Variants in MYB observed in about 807,000 individuals in gnomAD.
MYB encodes MYB proto-oncogene, transcription factor.
Under a neutral mutation model 92.9 loss-of-function variants are expected in MYB, and 28 were observed. The ratio of observed to expected loss-of-function variants is 0.30; its 90% CI spans 0.22 to 0.41. The LOEUF is 0.41. Ranked by LOEUF, MYB falls within the 10% of genes least tolerant of loss-of-function variation. MYB has a pLI of 1.00. For missense variants in MYB, 679 were observed against 929.3 expected, an observed-to-expected ratio of 0.73 and a Z score of 3.50; for synonymous variants, 295 against 329.1, an observed-to-expected ratio of 0.90 and a Z score of 1.12.
intron 15 of MYB, among the ~76,000 whole-genome samples, chr6:135,216,809 T>C (rs1583452521): frequency 6.6e-6 from 1 of 152,236 alleles, no homozygotes; most frequent in East Asian, 1.9e-4. Flanking sequence ...TAGTACATGT[T>C]TGCATTTGAG....
chr6:135,214,343 T>A (rs1170033533), intron 15 of MYB, among the ~76,000 whole-genome samples: 5 of 151,466 alleles, frequency 3.3e-5, no homozygotes, highest in Admixed American at 1.3e-4. Flanking sequence ...AAAAAAAAAA[T>A]TCTAATAGGC....
rs1369211619 is a variant in MYB at position 135,181,669 on chromosome 6, C to T, written c.23+133C>T. ...TGTCAGACCCTCCGAGGACCTGGAG[C>T]CCCTGCCTCGGCAGCAGAAGCCGCT... On this transcript the variant is annotated intron_variant, in intron 1 of 15. Transcript: ENST00000341911. The surrounding 1 kb of genome is among the most constrained non-coding windows in gnomAD (Gnocchi z 5.3). 1.9e-6 allele frequency: 1 copy of T among 518,650 alleles called. No individual in the cohort carries two copies. The highest frequency in any genetic ancestry group is 2.6e-6 in the Non-Finnish European group (1 of 379,528). The allele number at this position is 518,650 out of a possible 1,614,324, so 32.1% of individuals were successfully genotyped here. A position where few individuals can be genotyped will look rare whatever the true frequency, so the allele number is the denominator to read the frequency against.
rs978148852 is a variant in MYB, at chr6:135,189,886, A to G, written c.306+3A>G. 4 of 1,610,546 alleles carry G rather than the reference A, an allele frequency of 2.5e-6. No homozygotes were observed. The highest frequency in any genetic ancestry group is 3.4e-6 in the Non-Finnish European group (4 of 1,177,056). On this transcript the variant is annotated splice_donor_region_variant and intron_variant, in intron 4 of 15. Transcript: ENST00000341911. ...GGACCAAAGAAGAAGATCAGAGAGT[A>G]AGTTCTTTCTTCATTGGTGTGTGAC...
At chr6:135,186,992 A>G (rs929966683) in intron 2 of MYB, among the ~76,000 whole-genome samples, 28 of 152,220 alleles carry the variant, frequency 1.8e-4, no homozygotes, top group African/African-American at 6.5e-4. Context: ...TATTTTACCT[A>G]TTAAGATTAT....
Position 135,197,204 on chromosome 6 carries a change from A to C in MYB, c.1447A>C (p.Lys483Gln), listed in dbSNP as rs1166040794. Reference protein sequence around the residue: ...STIPLVILRKKRGQASPLATG... With the variant: ...STIPLVILRKQRGQASPLATG... ...AATTCCACTGGTCATCCTTCGAAAA[A>C]AACGGGGCCAGGCCAGCCCCTTAGC... Residue 483 changes from lysine (K) to glutamine (Q), a missense_variant, in exon 10 of 16, where the codon AAA becomes CAA. Physicochemically the swap from Lys to Gln is moderately conservative, Grantham distance 53. This residue lies in a region of MYB where 402 missense variants were observed against 434.2 expected (regional missense o/e 0.93). Transcript: ENST00000341911. 1.9e-6 allele frequency: 3 copies of C among 1,613,958 alleles called. No homozygotes were observed. The highest frequency in any genetic ancestry group is 1.6e-4 in the Middle Eastern group (1 of 6,062).
At chr6:135,203,611 A>T in intron 15 of MYB, 2 of 875,810 alleles carry the variant, frequency 2.3e-6, no homozygotes, top group African/African-American at 1.7e-5. Flanking sequence ...AAGATGTATT[A>T]CACGTGTGTC....
rs1775166461 is a variant in MYB at position 135,182,242 on chromosome 6, G to T, written c.23+706G>T. ...CATGTCACTGCACTTAGGGAGGCTC[G>T]CCGGGAAGATGGGTGCAGTCCCTTC... On this transcript the variant is annotated intron_variant, in intron 1 of 15. Transcript: ENST00000341911. This position sits in a 1 kb window ranked among gnomAD's most constrained non-coding sequence, Gnocchi z 5.6. 6.6e-6 allele frequency among the ~76,000 whole-genome samples: 1 copy of T among 152,182 alleles called. No homozygotes were observed. Among genetic ancestry groups the T allele is most frequent in the African/African-American group, 2.4e-5 (1 of 41,440 alleles).
At chr6:135,203,802 G>A in intron 15 of MYB, 3 of 1,289,204 alleles carry the variant, frequency 2.3e-6, no homozygotes, top group Non-Finnish European at 3.0e-6. Context: ...TTGACTGTCA[G>A]AATAAGAAAG....
intron 13 of MYB, 39 bp downstream of exon 13, chr6:135,200,454 C>A: frequency 1.2e-6 from 2 of 1,612,846 alleles, no homozygotes; most frequent in East Asian, 4.5e-5. Context: ...AGCTGAGAAT[C>A]CTGCCCCCTT....
At chr6:135,209,029 C>G (rs1779362780) in intron 15 of MYB, among the ~76,000 whole-genome samples, 1 of 152,080 alleles carries the variant, frequency 6.6e-6, no homozygotes, top group Non-Finnish European at 1.5e-5. Flanking sequence ...TGAAATATGG[C>G]AAGTGCTGCT....
At position 135,187,918 on chromosome 6, in the gene MYB, GT is replaced by G. The variant is rs755151390; in HGVS notation, c.213+18del. The stretch of plus-strand genomic sequence containing the variant: ...CAATTATCTCCCGGTAAGTTAGTAA[GT>G]TTTTCTTATAACGAAAGGAAAGCTT... On this transcript the variant is annotated intron_variant, in intron 3 of 15. Coordinates refer to ENST00000341911, the MANE Select transcript of MYB (RefSeq NM_001130173.2). 5.0e-6 allele frequency: 8 copies of G among 1,588,398 alleles called. No homozygotes were observed. In the South Asian group the frequency reaches 7.8e-5, roughly 16 times the overall value.
intron 15 of MYB, among the ~76,000 whole-genome samples, chr6:135,214,863 A>G (rs1780221686): frequency 6.6e-6 from 1 of 152,232 alleles, no homozygotes; most frequent in Non-Finnish European, 1.5e-5. Context: ...AACATGATTT[A>G]TTCAGAACTA....
intron 15 of MYB, among the ~76,000 whole-genome samples, chr6:135,212,023 T>C (rs1299450628): frequency 6.6e-6 from 1 of 152,128 alleles, no homozygotes. Context: ...ACTGATCCAT[T>C]TTTTCAAAAG....
chr6:135,196,470 T>G (rs1308497394), intron 9 of MYB, among the ~76,000 whole-genome samples: 1 of 152,232 alleles, frequency 6.6e-6, no homozygotes, highest in Admixed American at 6.5e-5. Context: ...TTAGTGTATT[T>G]GAAGTAATAA....
intron 3 of MYB, among the ~76,000 whole-genome samples, chr6:135,188,492 C>CTTTTTTTTTTTT (rs528623055): frequency 3.0e-5 from 4 of 133,848 alleles, no homozygotes; most frequent in Admixed American, 7.6e-5. Context: ...ATTTTTCTTT[C>CTTTTTTTTTTTT]TTTTTTTTTT....
intron 8 of MYB, 41 bp from the exon 9 acceptor site, chr6:135,195,707 T>G: frequency 1.2e-6 from 2 of 1,604,078 alleles, no homozygotes. Flanking sequence ...CTCCCTTTCT[T>G]CTGTCCTCTC....
chr6:135,213,101 C>G (rs1779967400), intron 15 of MYB, among the ~76,000 whole-genome samples: 1 of 152,168 alleles, frequency 6.6e-6, no homozygotes, highest in Non-Finnish European at 1.5e-5. Flanking sequence ...AGCTGCCTCG[C>G]TCATGCTTGG....
At chr6:135,191,838 G>T (rs1291272784) in intron 5 of MYB, among the ~76,000 whole-genome samples, 1 of 152,182 alleles carries the variant, frequency 6.6e-6, no homozygotes, top group Non-Finnish European at 1.5e-5. Context: ...GGTCTCAGAA[G>T]TTCTCACTAG....
Position 135,181,476 on chromosome 6 carries a change from C to A in MYB, c.-38C>A. 2 of 1,115,030 alleles carry A rather than the reference C, an allele frequency of 1.8e-6. No homozygotes were observed. Among genetic ancestry groups the A allele is most frequent in the South Asian group, 8.2e-5 (2 of 24,530 alleles). 69.1% of individuals were successfully genotyped at this position (1,115,030 alleles called of 1,614,324 possible). A position where few individuals can be genotyped will look rare whatever the true frequency, so the allele number is the denominator to read the frequency against. ...GCGGGAGGCGGCAGCCCGGTGCGGT[C>A]CCCGCGGCTCTCGGCGGAGCCCCGC... On this transcript the variant is annotated 5_prime_UTR_variant, in exon 1 of 16. Transcript: ENST00000341911. The surrounding 1 kb of genome is among the most constrained non-coding windows in gnomAD (Gnocchi z 5.3).
Sources: allele counts gnomAD v4.1 joint callset (sites outside exome capture counted in the v4.1 genomes callset), GRCh38; gene constraint gnomAD v4.1.1; regional missense constraint gnomAD v4.1.1; non-coding constraint Gnocchi (gnomAD v3.1); transcripts MANE v1.5; gene names NCBI Gene and HGNC (gene_info 2026-07-23, HGNC 2026-07-21).